GSN: variants seen among roughly 807,000 people sequenced by gnomAD.
The protein encoded by GSN is actin-depolymerizing factor.
In GSN, 56 loss-of-function variants were observed where a neutral mutation model predicts 85.7. That is an observed-to-expected ratio of 0.65 (90% CI 0.53 to 0.82). The LOEUF (loss-of-function observed/expected upper bound fraction) is 0.82, where lower values mean the gene tolerates loss of function less well. Among genes scored for constraint, GSN ranks in the 40% least tolerant of loss-of-function variants. GSN has a pLI of 0.00. For synonymous variants in GSN, 373 were observed against 399.1 expected, an observed-to-expected ratio of 0.93 and a Z score of 0.78; for missense variants, 857 against 979.8, an observed-to-expected ratio of 0.87 and a Z score of 1.67.
chr9:121,251,187 C>CT lies in GSN; in HGVS notation c.-341+2877dup, dbSNP rs58231680. On this transcript the variant is annotated intron_variant, in intron 6 of 24. Coordinates refer to the GSN transcript ENST00000373823. The stretch of plus-strand genomic sequence containing the variant: ...ATAACATACCTACAGCTGATGTGTT[C>CT]TTTTTTTTTTTTTGAGATGGATTCT... 8.2e-5 allele frequency among the ~76,000 whole-genome samples: 6 copies of CT among 73,032 alleles called. 1 individual carries two copies. Among genetic ancestry groups the CT allele is most frequent in the South Asian group, 5.2e-4 (1 of 1,930 alleles). The allele number at this position is 73,032 out of a possible 152,430, so 47.9% of individuals were successfully genotyped here.
chr9:121,258,946 T>C (rs2055024514), intron 6 of GSN, among the ~76,000 whole-genome samples: 2 of 152,366 alleles, frequency 1.3e-5, no homozygotes, highest in South Asian at 4.1e-4. Context: ...TCCTAATGTA[T>C]ACCAAGTTCT....
chr9:121,278,065 T>C (rs1050014309), intron 1 of GSN, among the ~76,000 whole-genome samples: 3 of 151,720 alleles, frequency 2.0e-5, no homozygotes, highest in Admixed American at 6.6e-5. Context: ...TTTTTTTTTT[T>C]CTAGTCAGCA....
intron 10 of GSN, 118 bp from the exon 11 acceptor site, chr9:121,321,150 G>T: frequency 9.2e-7 from 1 of 1,085,512 alleles, no homozygotes; most frequent in Non-Finnish European, 1.4e-6. Context: ...CCGAGCCCAA[G>T]TGATTAAAAG....
chr9:121,304,800 T>C (rs2060234580), intron 4 of GSN, among the ~76,000 whole-genome samples: 1 of 152,058 alleles, frequency 6.6e-6, no homozygotes, highest in South Asian at 2.1e-4. Flanking sequence ...CAAACCAGGA[T>C]TGTGTTCCCT....
At position 121,302,561 on chromosome 9, in the gene GSN, C is replaced by T. The variant is rs538904622; in HGVS notation, c.197-350C>T. Among the ~76,000 whole-genome samples the T allele has an allele frequency of 3.3e-5, 5 of 152,052 alleles. No individual in the cohort carries two copies. The East Asian group carries it at 5.8e-4, about 18-fold the overall frequency. Reference sequence around the variant, plus strand: ...CCAGTTTGCCCTTGAGTCAGGAGCCCGGAGTCCCTGCCACACCTCTGCCGT... The same window carrying T: ...CCAGTTTGCCCTTGAGTCAGGAGCCTGGAGTCCCTGCCACACCTCTGCCGT... On this transcript the variant is annotated intron_variant, in intron 3 of 17. Coordinates refer to ENST00000432226, the MANE Select transcript of GSN (RefSeq NM_198252.3).
intron 5 of GSN, chr9:121,312,011 C>T (rs1172003144): frequency 6.2e-6 from 2 of 320,932 alleles, no homozygotes; most frequent in Non-Finnish European, 1.2e-5. Context: ...GTATATTCGG[C>T]TTTAGTGGCT....
chr9:121,329,122 AG>A lies in GSN; in HGVS notation c.1887+109del. 1.9e-6 allele frequency: 3 copies of A among 1,543,536 alleles called. No individual in the cohort carries two copies. The Admixed American group carries it at 5.2e-5, about 27-fold the overall frequency. Reference sequence around the variant, plus strand: ...AAACAGTTCTGATGGTGTGGCACAGAGGAAGGGGCCCCCTGCCAGCTGCAGC... The same window carrying A: ...AAACAGTTCTGATGGTGTGGCACAGAGAAGGGGCCCCCTGCCAGCTGCAGC... On this transcript the variant is annotated intron_variant, in intron 15 of 17. Transcript: ENST00000432226. This position sits in a 1 kb window ranked among gnomAD's most constrained non-coding sequence, Gnocchi z 4.6.
rs2062031767 is a variant in GSN, at chr9:121,318,854, G to T, written c.1165G>T (p.Asp389Tyr). 1 of 1,614,036 alleles carries T rather than the reference G, an allele frequency of 6.2e-7. No homozygotes were observed. The highest frequency in any genetic ancestry group is 8.5e-7 in the Non-Finnish European group (1 of 1,179,998). ...STAMAAQHGMDDDGTGQKQIW... is the reference protein window; with the variant it reads ...STAMAAQHGMYDDGTGQKQIW... ...TGCCATGGCCGCCCAGCACGGCATGGATGACGATGGCACAGGCCAGAAACA... is the reference window on the plus strand; with the variant it reads ...TGCCATGGCCGCCCAGCACGGCATGTATGACGATGGCACAGGCCAGAAACA... Residue 389 changes from aspartate to tyrosine, a missense_variant, in exon 10 of 18, where the codon GAT becomes TAT. Coordinates refer to ENST00000432226, the MANE Select transcript of GSN (RefSeq NM_198252.3). This position sits in a 1 kb window ranked among gnomAD's most constrained non-coding sequence, Gnocchi z 4.3.
chr9:121,219,945 G>A (rs769292823), intron 4 of GSN, among the ~76,000 whole-genome samples: 4 of 151,542 alleles, frequency 2.6e-5, no homozygotes, highest in Non-Finnish European at 4.4e-5. Flanking sequence ...GCAATGGCGC[G>A]ATCTCAGCTC....
intron 1 of GSN, chr9:121,207,953 G>A (rs2053911072): frequency 6.6e-6 from 1 of 151,104 alleles, no homozygotes; most frequent in South Asian, 2.1e-4. Flanking sequence ...GTGTGTGTGT[G>A]TGTGTGTATT....
At chr9:121,220,201 G>A (rs886322158) in intron 4 of GSN, among the ~76,000 whole-genome samples, 1 of 152,176 alleles carries the variant, frequency 6.6e-6, no homozygotes, top group South Asian at 2.1e-4. Context: ...CTTTTCTTGA[G>A]TGTGTACTTT....
At chr9:121,266,172 GA>G (rs2055195443), upstream of GSN, among the ~76,000 whole-genome samples, 1 of 152,192 alleles carries the variant, frequency 6.6e-6, no homozygotes, top group Non-Finnish European at 1.5e-5. Context: ...CTTAGAATGT[GA>G]ACCCTTTTGC....
rs1000288426 is a variant in GSN, at chr9:121,286,657, G to A, written c.-10+5095G>A. The A allele has an allele frequency of 3.8e-5, 58 of 1,533,994 alleles. No homozygotes were observed. The East Asian group carries it at 8.6e-4, about 23-fold the overall frequency. On this transcript the variant is annotated intron_variant, in intron 2 of 17. Coordinates refer to ENST00000432226, the MANE Select transcript of GSN (RefSeq NM_198252.3). ...TTCCTGTTTGTGTGCCCTCTGGGCC[G>A]GGAAGTCAGAGAAAGAAAGGAGACA...
At position 121,302,019 on chromosome 9, in the gene GSN, C is replaced by T; in HGVS notation, c.48C>T (p.Gly16=). The T allele has an allele frequency of 1.9e-6, 3 of 1,614,256 alleles. No individual in the cohort carries two copies. Among genetic ancestry groups the T allele is most frequent in the Non-Finnish European group, 2.5e-6 (3 of 1,180,040 alleles). The change falls in exon 3 of 18, where the codon GGC becomes GGT. Residue 16 remains glycine, a synonymous_variant. Coordinates refer to ENST00000432226, the MANE Select transcript of GSN (RefSeq NM_198252.3). The part of the protein sequence containing the change: ...PEFLKAGKEP[G]LQIWRVEKFD... ...TCCTCAAGGCAGGGAAGGAGCCTGG[C>T]CTGCAGATCTGGCGTGTGGAGAAGT... is the stretch of plus-strand genomic sequence containing the variant.
intron 4 of GSN, among the ~76,000 whole-genome samples, chr9:121,211,690 G>C (rs1464444292): frequency 6.6e-6 from 1 of 152,138 alleles, no homozygotes; most frequent in Non-Finnish European, 1.5e-5. Flanking sequence ...CTGGAATGTA[G>C]AGAGGTTAGT....
At chr9:121,308,575 G>A (rs188059939) in intron 4 of GSN, 1 of 152,346 alleles carries the variant, frequency 6.6e-6, no homozygotes, top group African/African-American at 2.4e-5. Context: ...AGCTACTTGG[G>A]AGGCTAAAGC....
At chr9:121,302,241 A>AG (rs2059960326) in intron 3 of GSN, 74 bp downstream of exon 3, 1 of 1,515,244 alleles carries the variant, frequency 6.6e-7, no homozygotes, top group Admixed American at 1.7e-5. Flanking sequence ...CATGGTCCCC[A>AG]GGGAGGGAAC....
At chr9:121,242,963 T>C (rs544811297) in intron 5 of GSN, among the ~76,000 whole-genome samples, 112 of 152,324 alleles carry the variant, frequency 7.4e-4, no homozygotes, top group Admixed American at 4.2e-3. Context: ...GGCAGGAACA[T>C]AAAACAGCAC....
chr9:121,209,699 A>C (rs565337247), intron 2 of GSN, among the ~76,000 whole-genome samples: 1 of 152,376 alleles, frequency 6.6e-6, no homozygotes, highest in South Asian at 2.1e-4. Flanking sequence ...AGAAGCTCTT[A>C]GCATAGTGCC....
Sources: allele counts gnomAD v4.1 joint callset (sites outside exome capture counted in the v4.1 genomes callset), GRCh38; gene constraint gnomAD v4.1.1; non-coding constraint Gnocchi (gnomAD v3.1); transcripts MANE v1.5; gene names NCBI Gene and HGNC (gene_info 2026-07-23, HGNC 2026-07-21).